The following ZNF362 variants were observed in gnomAD, a reference collection of about 807,000 sequenced individuals.
The protein encoded by ZNF362 is zinc finger protein 362.
ZNF362 carries 11 observed loss-of-function variants against 42.9 expected under a neutral mutation model. That is an observed-to-expected ratio of 0.26 (90% CI 0.16 to 0.42). The LOEUF is 0.42. Among genes scored for constraint, ZNF362 ranks in the 20% least tolerant of loss-of-function variants. The pLI is 1.00. For synonymous variants in ZNF362, 255 were observed against 257.3 expected (o/e 0.99, Z 0.09); for missense variants, 362 against 576.2 (o/e 0.63, Z 3.81).
At chr1:33,224,283 A>G in the ZNF362 span, among the ~76,000 whole-genome samples, 1 of 152,318 alleles carries the variant, frequency 6.6e-6, no homozygotes, top group East Asian at 1.9e-4. Flanking sequence ...TAGAACTAAA[A>G]AGTGTAGCAG....
the ZNF362 span, chr1:33,159,911 C>G: frequency 6.2e-7 from 1 of 1,608,108 alleles, no homozygotes; most frequent in Non-Finnish European, 8.5e-7. This position sits in a 1 kb window ranked among gnomAD's most constrained non-coding sequence, Gnocchi z 4.2. Flanking sequence ...TCGAAGGCCT[C>G]GCCGATAGTG....
intron 4 of ZNF362, among the ~76,000 whole-genome samples, 189 bp from the exon 5 acceptor site, chr1:33,279,935 C>G (rs988799887): frequency 9.8e-5 from 15 of 152,336 alleles, no homozygotes; most frequent in Non-Finnish European, 1.9e-4. Context: ...CCCCTGTTAT[C>G]TAACTCAATT....
chr1:33,216,599 C>CAAAAAAAAAA, the ZNF362 span, among the ~76,000 whole-genome samples: 11 of 71,884 alleles, frequency 1.5e-4, no homozygotes, highest in South Asian at 5.4e-4. Flanking sequence ...GACTCTGTCT[C>CAAAAAAAAAA]AAAAAAAAAA....
At chr1:33,148,108 G>A in the ZNF362 span, among the ~76,000 whole-genome samples, 1 of 152,256 alleles carries the variant, frequency 6.6e-6, no homozygotes, top group East Asian at 1.9e-4. Context: ...CCCCCTAGGG[G>A]GAATGGGGAA....
chr1:33,183,364 AC>A, the ZNF362 span, among the ~76,000 whole-genome samples: 1 of 152,196 alleles, frequency 6.6e-6, no homozygotes, highest in Non-Finnish European at 1.5e-5. Flanking sequence ...TCTCCATCAC[AC>A]CCTCATCTGG....
chr1:33,295,608 T>TGC (rs1283988295), intron 8 of ZNF362, among the ~76,000 whole-genome samples: 1 of 106,210 alleles, frequency 9.4e-6, no homozygotes, highest in African/African-American at 2.8e-5. Context: ...TCCGCAGAGC[T>TGC]ACAGAGAGAA....
At chr1:33,227,255 A>C in the ZNF362 span, among the ~76,000 whole-genome samples, 1 of 152,168 alleles carries the variant, frequency 6.6e-6, no homozygotes, top group Non-Finnish European at 1.5e-5. Context: ...TCCTCCTATT[A>C]AGAAGTGGGG....
chr1:33,160,361 T>A, the ZNF362 span, among the ~76,000 whole-genome samples: 1 of 152,014 alleles, frequency 6.6e-6, no homozygotes, highest in Non-Finnish European at 1.5e-5. Flanking sequence ...AGGGTGAAGA[T>A]GTTCTCTCAA....
the ZNF362 span, among the ~76,000 whole-genome samples, chr1:33,170,104 T>C: frequency 2.3e-3 from 356 of 152,234 alleles, 2 homozygotes; most frequent in East Asian, 0.025. Flanking sequence ...CTGAGACCTT[T>C]GGATCACCTA....
At chr1:33,260,313 G>T (rs1260819129) in intron 1 of ZNF362, among the ~76,000 whole-genome samples, 1 of 152,120 alleles carries the variant, frequency 6.6e-6, no homozygotes, top group East Asian at 1.9e-4. Flanking sequence ...TTGGCTCCCC[G>T]CATCCCATTG....
At chr1:33,212,072 G>A in the ZNF362 span, among the ~76,000 whole-genome samples, 2 of 152,144 alleles carry the variant, frequency 1.3e-5, no homozygotes, top group Admixed American at 1.3e-4. Context: ...CCTTGGAGCT[G>A]TCATTACGAT....
chr1:33,262,518 A>T (rs1159385598), intron 1 of ZNF362, among the ~76,000 whole-genome samples: 4 of 152,004 alleles, frequency 2.6e-5, no homozygotes, highest in Non-Finnish European at 5.9e-5. Flanking sequence ...CGTGTTAGCC[A>T]GGATGGTCTC....
chr1:33,236,255 A>C, the ZNF362 span, among the ~76,000 whole-genome samples: 2 of 151,894 alleles, frequency 1.3e-5, no homozygotes, highest in Non-Finnish European at 2.9e-5. Context: ...AAATGCTCAT[A>C]AAACAGGCCG....
chr1:33,274,837 A>G lies in ZNF362; in HGVS notation c.39-1263A>G, dbSNP rs376210535. 88 of 625,616 alleles carry G rather than the reference A, an allele frequency of 1.4e-4. 2 individuals are homozygous for G. The South Asian group carries it at 3.4e-3, about 24-fold the overall frequency. The allele number at this position is 625,616 out of a possible 1,614,324, so 38.8% of individuals were successfully genotyped here. ...CCTCCTTCCCCTCTCTCTGAGCCTC[A>G]GTTTCTTCACTGATAAAATGGTATA... On this transcript the variant is annotated intron_variant, in intron 2 of 8. Transcript: ENST00000539719.
At chr1:33,180,960 A>ACCCCCCCCCCCGCCCCC in the ZNF362 span, 1 of 209,068 alleles carries the variant, frequency 4.8e-6, no homozygotes, top group Non-Finnish European at 8.6e-6. Flanking sequence ...CCCTGACCCC[A>ACCCCCCCCCCCGCCCCC]CCCCCCGCCC....
chr1:33,275,263 C>T, intron 2 of ZNF362: 1 of 985,408 alleles, frequency 1.0e-6, no homozygotes, highest in Non-Finnish European at 1.2e-6. Context: ...CCTGAAGGCC[C>T]ATCCTTCATA....
chr1:33,160,464 G>T, the ZNF362 span, among the ~76,000 whole-genome samples: 1 of 152,108 alleles, frequency 6.6e-6, no homozygotes, highest in Non-Finnish European at 1.5e-5. Flanking sequence ...GAGTGTGATG[G>T]CACGATCTCG....
chr1:33,162,004 G>A, the ZNF362 span, among the ~76,000 whole-genome samples: 1 of 152,194 alleles, frequency 6.6e-6, no homozygotes, highest in Admixed American at 6.5e-5. Flanking sequence ...CCTGTCTCCT[G>A]AGTGCCACAC....
the ZNF362 span, among the ~76,000 whole-genome samples, chr1:33,134,113 A>G: frequency 2.6e-5 from 4 of 152,196 alleles, no homozygotes; most frequent in African/African-American, 9.7e-5. Flanking sequence ...GTGCTTCCCC[A>G]CAAGCATGCT....
Sources: gnomAD v4.1 joint callset for allele counts (sites outside exome capture counted in the v4.1 genomes callset) on GRCh38, gnomAD v4.1.1 for gene constraint, Gnocchi (gnomAD v3.1) non-coding constraint, MANE v1.5 for transcripts, NCBI Gene and HGNC (gene_info 2026-07-23, HGNC 2026-07-21) for gene names.